Variants in CABP4 observed in about 807,000 individuals in gnomAD.
CABP4 encodes calcium-binding protein 4.
Under a neutral mutation model 30.7 loss-of-function variants are expected in CABP4, and 30 were observed. That is an observed-to-expected ratio of 0.98 (90% CI 0.73 to 1.33). The LOEUF is 1.33. CABP4 is among the 40% of genes most tolerant of loss of function. The pLI, the probability that CABP4 is intolerant of heterozygous loss-of-function variation, is 0.00. For synonymous variants in CABP4, 161 were observed against 159.2 expected (o/e 1.01, Z -0.08); for missense variants, 424 against 395.5 (o/e 1.07, Z -0.61).
rs1322254399 is a variant in CABP4, at chr11:67,456,411, C to T, written c.510C>T (p.Leu170=). The stretch of plus-strand genomic sequence containing the variant: ...GCTACATGCCCACCGAGATGGAGCT[C>T]CTGGAGGTCTCGCAGCACATCAAGA... ...TLGYMPTEME[L]LEVSQHIKMR... The change falls in exon 3 of 6, where the codon CTC becomes CTT. Residue 170 remains leucine, a synonymous_variant. Coordinates refer to ENST00000325656, the MANE Select transcript of CABP4 (RefSeq NM_145200.5). 3 of 1,612,584 alleles carry T rather than the reference C, an allele frequency of 1.9e-6. No individual in the cohort carries two copies. The highest frequency in any genetic ancestry group is 2.5e-6 in the Non-Finnish European group (3 of 1,180,006).
rs1864957277 is a variant in CABP4 at position 67,459,914 on chromosome 11, A to G, written c.*1255A>G. 1 of 152,196 alleles carries G rather than the reference A, an allele frequency of 6.6e-6. No homozygotes were observed. The highest frequency in any genetic ancestry group is 1.9e-4 in the East Asian group (1 of 5,182). The allele number at this position is 152,196 out of a possible 1,614,324, so 9.4% of individuals were successfully genotyped here. Reference sequence around the variant, plus strand: ...CAGTGAGCTGAGATCACACCATTGCACCCCAGCCTGAGCAACAGATCGAGA... The same window carrying G: ...CAGTGAGCTGAGATCACACCATTGCGCCCCAGCCTGAGCAACAGATCGAGA... On this transcript the variant is annotated 3_prime_UTR_variant, in exon 6 of 6. Coordinates refer to ENST00000325656, the MANE Select transcript of CABP4 (RefSeq NM_145200.5).
At chr11:67,453,394 A>G (rs7936800), upstream of CABP4, 18,659 of 152,264 alleles carry the variant, frequency 0.12, 1,561 homozygotes, top group Non-Finnish European at 0.19. Flanking sequence ...GTCTGTAAGT[A>G]AAGTATTCTA....
In CABP4 at chr11:67,457,381, G is replaced by A. The variant is rs138789864; in HGVS notation, c.542-192G>A. The stretch of plus-strand genomic sequence containing the variant: ...CTTGCACACTTGGGTTCTCCACTAA[G>A]AGCAGAAGCAGCCCTGGTACCCCAG... On this transcript the variant is annotated intron_variant, in intron 3 of 5. Transcript: ENST00000325656. Among the ~76,000 whole-genome samples the A allele has an allele frequency of 7.9e-4, 120 of 152,292 alleles. 2 individuals carry two copies. Among genetic ancestry groups the A allele is most frequent in the African/African-American group, 2.8e-3 (116 of 41,570 alleles).
rs552701854 is a variant in CABP4, at chr11:67,457,657, G to T, written c.626G>T (p.Arg209Leu). 8.1e-5 allele frequency: 129 copies of T among 1,599,378 alleles called. 1 individual carries two copies. The South Asian group carries it at 1.4e-3, about 18-fold the overall frequency. The change falls in exon 4 of 6, where the codon CGA (arginine) becomes CTA (leucine). Residue 209 changes from arginine to leucine, a missense_variant. Transcript: ENST00000325656. ...GAGACGGCGCACATGCTGGGGGTGC[G>T]AGAGCTGCGCATCGCCTTCCGAGAG... The part of the protein sequence containing the change: ...REETAHMLGV[R>L]ELRIAFREFD...
rs773515376 is a variant in CABP4, at chr11:67,456,154, G to T, written c.367-34G>T. The T allele has an allele frequency of 3.0e-5, 49 of 1,612,852 alleles. No homozygotes were observed. The Admixed American group carries it at 8.0e-4, about 26-fold the overall frequency. The stretch of plus-strand genomic sequence containing the variant: ...GAGGAAGGATGACAGAGCCGTGGCT[G>T]GCCCTGGGGACATCCTGGACTCTCC... On this transcript the variant is annotated intron_variant, in intron 1 of 5. Transcript: ENST00000325656.
chr11:67,457,496 C>A, intron 3 of CABP4, 77 bp from the exon 4 acceptor site: 1 of 1,252,110 alleles, frequency 8.0e-7, no homozygotes, highest in Non-Finnish European at 1.1e-6. Flanking sequence ...GGTGGGGGTG[C>A]CTGGCCTGTG....
chr11:67,457,668 A>T lies in CABP4; in HGVS notation c.637A>T (p.Ile213Phe). 6.3e-7 allele frequency: 1 copy of T among 1,591,696 alleles called. No individual in the cohort carries two copies. Among genetic ancestry groups the T allele is most frequent in the East Asian group, 2.3e-5 (1 of 44,002 alleles). The change falls in exon 4 of 6, where the codon ATC becomes TTC. Residue 213 changes from isoleucine (I) to phenylalanine (F), a missense_variant. Ile to Phe is a conservative substitution (Grantham distance 21). Transcript: ENST00000325656. Reference sequence around the variant, plus strand: ...CATGCTGGGGGTGCGAGAGCTGCGCATCGCCTTCCGAGAGGTGCGGAGTGT... The same window carrying T: ...CATGCTGGGGGTGCGAGAGCTGCGCTTCGCCTTCCGAGAGGTGCGGAGTGT... ...AHMLGVRELR[I>F]AFREFDRDRD...
rs886048574 is a variant in CABP4 at position 67,460,598 on chromosome 11, A to G, written c.*1939A>G. On this transcript the variant is annotated 3_prime_UTR_variant, in exon 6 of 6. Transcript: ENST00000325656. Reference sequence around the variant, plus strand: ...CTAAACAGCAGATTAAACACAATTTAAAGATTAATGAACTGGAAGCTATAT... The same window carrying G: ...CTAAACAGCAGATTAAACACAATTTGAAGATTAATGAACTGGAAGCTATAT... Among the ~76,000 whole-genome samples the G allele has an allele frequency of 6.6e-6, 1 of 152,192 alleles. No individual in the cohort carries two copies. Among genetic ancestry groups the G allele is most frequent in the Non-Finnish European group, 1.5e-5 (1 of 68,036 alleles).
In CABP4 at chr11:67,458,445, G is replaced by A. The variant is rs369587170; in HGVS notation, c.726G>A (p.Pro242=). 19 of 1,613,904 alleles carry A rather than the reference G, an allele frequency of 1.2e-5. No homozygotes were observed. Among genetic ancestry groups the A allele is most frequent in the Admixed American group, 1.0e-4 (6 of 60,010 alleles). The part of the protein sequence containing the change: ...REAVPALLGE[P]LAGPELDEML... Reference sequence around the variant, plus strand: ...CGGTACCGGCTCTGCTCGGGGAGCCGCTGGCGGGTCCTGAGCTGGACGAGA... The same window carrying A: ...CGGTACCGGCTCTGCTCGGGGAGCCACTGGCGGGTCCTGAGCTGGACGAGA... The change falls in exon 5 of 6, where the codon CCG becomes CCA. Residue 242 remains proline (P), a synonymous_variant. Transcript: ENST00000325656.
intron 3 of CABP4, among the ~76,000 whole-genome samples, chr11:67,457,144 C>T (rs745445117): frequency 1.4e-4 from 21 of 152,168 alleles, no homozygotes; most frequent in Non-Finnish European, 2.5e-4. Context: ...AACTGAGGCA[C>T]GGACCACATG....
At chr11:67,454,993 C>T (rs1311067927), upstream of CABP4, among the ~76,000 whole-genome samples, 2 of 152,242 alleles carry the variant, frequency 1.3e-5, no homozygotes, top group African/African-American at 4.8e-5. Flanking sequence ...ACCTGAGATG[C>T]CTTCCCTGGT....
At chr11:67,457,771 C>G in intron 4 of CABP4, 89 bp downstream of exon 4, 1 of 1,109,766 alleles carries the variant, frequency 9.0e-7, no homozygotes. Context: ...TTGGGAAGGC[C>G]TAGAGCCCTG....
At position 67,455,660 on chromosome 11, in the gene CABP4, G is replaced by T. The variant is rs1432356383; in HGVS notation, c.237G>T (p.Gly79=). The T allele has an allele frequency of 1.9e-6, 3 of 1,609,240 alleles. No individual in the cohort carries two copies. The highest frequency in any genetic ancestry group is 3.3e-5 in the Admixed American group (2 of 59,812). Residue 79 remains glycine, a synonymous_variant, in exon 1 of 6, where the codon GGG becomes GGT. Transcript: ENST00000325656. ...ATAACCCTCCCAGCACTGGAGAGGG[G>T]CCGGCGGGCGCACCCCCTGCATCCC... ...SSNNPPSTGE[G]PAGAPPASPG...
Position 67,456,457 on chromosome 11 carries a change from C to T in CABP4, c.541+15C>T, listed in dbSNP as rs777410865. ...CAAGATGCGCAGTCAGTCAGGGAGC[C>T]CGCCCGCCCGGGCAGCCTGCGTAGT... On this transcript the variant is annotated intron_variant, in intron 3 of 5. Coordinates refer to ENST00000325656, the MANE Select transcript of CABP4 (RefSeq NM_145200.5). 1 of 1,599,334 alleles carries T rather than the reference C, an allele frequency of 6.3e-7. No homozygotes were observed.
In CABP4 at chr11:67,459,072, G is replaced by A. The variant is rs890625688; in HGVS notation, c.*413G>A. ...TTTTTTTAATGAACTTGAGCCGGGT[G>A]CAGTGGCTCACACCTGTAAGCCCAG... On this transcript the variant is annotated 3_prime_UTR_variant, in exon 6 of 6. Coordinates refer to ENST00000325656, the MANE Select transcript of CABP4 (RefSeq NM_145200.5). The A allele has an allele frequency of 4.0e-6, 1 of 251,900 alleles. No homozygotes were observed. The highest frequency in any genetic ancestry group is 2.3e-5 in the African/African-American group (1 of 44,266). 15.6% of individuals were successfully genotyped at this position (251,900 alleles called of 1,614,324 possible). A position where few individuals can be genotyped will look rare whatever the true frequency, so the allele number is the denominator to read the frequency against.
chr11:67,455,876 G>A (rs1323846677), intron 1 of CABP4, 87 bp downstream of exon 1: 9 of 1,481,208 alleles, frequency 6.1e-6, no homozygotes, highest in Non-Finnish European at 8.1e-6. Flanking sequence ...GCCCCTGAGA[G>A]GCCCTCTGCC....
intron 3 of CABP4, among the ~76,000 whole-genome samples, chr11:67,456,727 G>A (rs184579925): frequency 3.0e-4 from 45 of 152,320 alleles, no homozygotes; most frequent in Middle Eastern, 3.4e-3. Flanking sequence ...CCTTTCACCC[G>A]AGCCCTTCCT....
chr11:67,452,434 C>T, upstream of CABP4: 1 of 1,612,612 alleles, frequency 6.2e-7, no homozygotes. Flanking sequence ...TCCCCAGCGG[C>T]CAGTGTCCCC....
At chr11:67,455,320 A>C, upstream of CABP4, 3 of 1,447,232 alleles carry the variant, frequency 2.1e-6, no homozygotes, top group Admixed American at 2.4e-5. Context: ...GCCCGATCCT[A>C]GGCTCTCAGC....
Sources: gnomAD v4.1 joint callset for allele counts (sites outside exome capture counted in the v4.1 genomes callset) on GRCh38, gnomAD v4.1.1 for gene constraint, MANE v1.5 for transcripts, NCBI Gene and HGNC (gene_info 2026-07-23, HGNC 2026-07-21) for gene names.